The following ADAMTS4 variants were observed in gnomAD, a reference collection of about 807,000 sequenced individuals.
The protein encoded by ADAMTS4 is ADAM metallopeptidase with thrombospondin type 1 motif 4.
Under a neutral mutation model 66.7 loss-of-function variants are expected in ADAMTS4, and 38 were observed. The observed-to-expected ratio is 0.57, with a 90% CI of 0.44 to 0.75. The LOEUF is 0.75. ADAMTS4 is among the 30% of genes least tolerant of loss of function. ADAMTS4 has a pLI of 0.00. For missense variants in ADAMTS4, 1,014 were observed against 1,116.7 expected, an observed-to-expected ratio of 0.91 and a Z score of 1.31; for synonymous variants, 418 against 461.5, an observed-to-expected ratio of 0.91 and a Z score of 1.21.
chr1:161,196,749 G>T lies in ADAMTS4; in HGVS notation c.765C>A (p.His255Gln). Reference protein sequence around the residue: ...VMAAAAKAFKHPSIRNPVSLV... With the variant: ...VMAAAAKAFKQPSIRNPVSLV... ...AGCTGACAGGATTGCGGATGCTTGG[G>T]TGCTTGAAGGCCTTGGCTGCTGCTG... Residue 255 changes from histidine (H) to glutamine (Q), a missense_variant, in exon 2 of 9, where the codon CAC becomes CAA. Coordinates refer to ENST00000367996, the MANE Select transcript of ADAMTS4 (RefSeq NM_005099.6). 1 of 1,613,480 alleles carries T rather than the reference G, an allele frequency of 6.2e-7. No homozygotes were observed.
chr1:161,191,067 C>T lies in ADAMTS4; in HGVS notation c.*71G>A. 1 of 1,477,538 alleles carries T rather than the reference C, an allele frequency of 6.8e-7. No homozygotes were observed. Among genetic ancestry groups the T allele is most frequent in the Non-Finnish European group, 9.0e-7 (1 of 1,110,204 alleles). The allele number at this position is 1,477,538 out of a possible 1,614,324, so 91.5% of individuals were successfully genotyped here. On this transcript the variant is annotated 3_prime_UTR_variant, in exon 9 of 9. Transcript: ENST00000367996. ...ACTGAGTCTTAGCATGAGGCAGCAA[C>T]AGAAGCTCTCTCTTTCTCCCAGCTA...
chr1:161,198,666 A>G lies in ADAMTS4; in HGVS notation c.-39T>C, dbSNP rs2102021047. On this transcript the variant is annotated 5_prime_UTR_variant, in exon 1 of 9. Coordinates refer to ENST00000367996, the MANE Select transcript of ADAMTS4 (RefSeq NM_005099.6). The surrounding 1 kb of genome is among the most constrained non-coding windows in gnomAD (Gnocchi z 4.7). ...CAGCTGGGAGGGACTGAGGCCGTCT[A>G]GGGCACCAAGTCCTCCACACCCTAG... is the stretch of plus-strand genomic sequence containing the variant. The G allele has an allele frequency of 1.4e-6, 2 of 1,451,294 alleles. No individual in the cohort carries two copies. The highest frequency in any genetic ancestry group is 1.8e-6 in the Non-Finnish European group (2 of 1,096,344). 89.9% of individuals were successfully genotyped at this position (1,451,294 alleles called of 1,614,324 possible).
At position 161,191,767 on chromosome 1, in the gene ADAMTS4, T is replaced by A. The variant is rs1664689979; in HGVS notation, c.2088-203A>T. Among the ~76,000 whole-genome samples the A allele has an allele frequency of 2.0e-5, 3 of 152,124 alleles. No homozygotes were observed. In the South Asian group the frequency reaches 6.2e-4, roughly 32 times the overall value. ...TGGACCTTTACACCCACTGCCCCCT[T>A]ATTGAGTTGCCCTTCCAAGCCCCAC... On this transcript the variant is annotated intron_variant, in intron 8 of 8. Transcript: ENST00000367996.
In ADAMTS4 at chr1:161,190,773, C is replaced by T; in HGVS notation, c.*365G>A. ...CTATGAGGGGTCAGGGGTCAGGTTC[C>T]CCAGGACCCTAGTCCTTGTCCCCTT... On this transcript the variant is annotated 3_prime_UTR_variant, in exon 9 of 9. Transcript: ENST00000367996. 1 of 201,204 alleles carries T rather than the reference C, an allele frequency of 5.0e-6. No homozygotes were observed. The highest frequency in any genetic ancestry group is 1.1e-4 in the South Asian group (1 of 9,292). The allele number at this position is 201,204 out of a possible 1,614,324, so 12.5% of individuals were successfully genotyped here. A position where few individuals can be genotyped will look rare whatever the true frequency, so the allele number is the denominator to read the frequency against.
chr1:161,198,565 T>G lies in ADAMTS4; in HGVS notation c.63A>C (p.Gln21His), dbSNP rs1277341157. 6.4e-7 allele frequency: 1 copy of G among 1,558,166 alleles called. No individual in the cohort carries two copies. The change falls in exon 1 of 9, where the codon CAA becomes CAC. Residue 21 changes from glutamine to histidine, a missense_variant. Coordinates refer to ENST00000367996, the MANE Select transcript of ADAMTS4 (RefSeq NM_005099.6). The surrounding 1 kb of genome is among the most constrained non-coding windows in gnomAD (Gnocchi z 4.7). ...GLAGRWLWGA[Q>H]PCLLLPIVPL... Reference sequence around the variant, plus strand: ...GCACAATGGGGAGCAGGAGGCAGGGTTGGGCTCCCCACAGCCAGCGCCCTG... The same window carrying G: ...GCACAATGGGGAGCAGGAGGCAGGGGTGGGCTCCCCACAGCCAGCGCCCTG...
chr1:161,193,114 A>C lies in ADAMTS4; in HGVS notation c.1911+99T>G. On this transcript the variant is annotated intron_variant, in intron 7 of 8. Transcript: ENST00000367996. This position sits in a 1 kb window ranked among gnomAD's most constrained non-coding sequence, Gnocchi z 4.4. ...TGGACTGGGCTGGCGTGGCTGTAGG[A>C]ACAGGGTTACTTTGGGTGATCTTTG... is the stretch of plus-strand genomic sequence containing the variant. 2.2e-6 allele frequency: 3 copies of C among 1,367,908 alleles called. No homozygotes were observed. 84.7% of individuals were successfully genotyped at this position (1,367,908 alleles called of 1,614,324 possible).
In ADAMTS4 at chr1:161,193,875, G is replaced by T. The variant is rs1315618700; in HGVS notation, c.1549-49C>A. ...GGGGCATAAGTGAACTCTCTCCTGG[G>T]CTTAAGGCCAGTCCCCACACCCCCG... On this transcript the variant is annotated intron_variant, in intron 5 of 8. Transcript: ENST00000367996. The surrounding 1 kb of genome is among the most constrained non-coding windows in gnomAD (Gnocchi z 4.4). 1 of 1,567,106 alleles carries T rather than the reference G, an allele frequency of 6.4e-7. No homozygotes were observed. The highest frequency in any genetic ancestry group is 1.4e-5 in the African/African-American group (1 of 73,954).
chr1:161,195,433 T>G (rs1431541934), intron 4 of ADAMTS4, 32 bp downstream of exon 4: 1 of 1,570,944 alleles, frequency 6.4e-7, no homozygotes, highest in African/African-American at 1.4e-5. Context: ...AATTGAGTGC[T>G]ACCCAGGGAA....
chr1:161,195,014 CT>C (rs1664776122), intron 4 of ADAMTS4, among the ~76,000 whole-genome samples: 1 of 152,174 alleles, frequency 6.6e-6, no homozygotes, highest in Non-Finnish European at 1.5e-5. Context: ...GAGACCACAT[CT>C]GTATTTAAAA....
At position 161,193,112 on chromosome 1, in the gene ADAMTS4, G is replaced by A; in HGVS notation, c.1911+101C>T. 7.4e-7 allele frequency: 1 copy of A among 1,352,542 alleles called. No individual in the cohort carries two copies. The highest frequency in any genetic ancestry group is 9.9e-7 in the Non-Finnish European group (1 of 1,006,190). 83.8% of individuals were successfully genotyped at this position (1,352,542 alleles called of 1,614,324 possible). A position where few individuals can be genotyped will look rare whatever the true frequency, so the allele number is the denominator to read the frequency against. On this transcript the variant is annotated intron_variant, in intron 7 of 8. Coordinates refer to ENST00000367996, the MANE Select transcript of ADAMTS4 (RefSeq NM_005099.6). This position sits in a 1 kb window ranked among gnomAD's most constrained non-coding sequence, Gnocchi z 4.4. ...CCTGGACTGGGCTGGCGTGGCTGTA[G>A]GAACAGGGTTACTTTGGGTGATCTT...
chr1:161,192,316 G>T, intron 7 of ADAMTS4, 76 bp from the exon 8 acceptor site: 1 of 1,433,078 alleles, frequency 7.0e-7, no homozygotes, highest in Non-Finnish European at 9.5e-7. Flanking sequence ...CGAGACCCAT[G>T]TCCCATCAGG....
chr1:161,196,966 T>A (rs1034140389), intron 1 of ADAMTS4, 86 bp from the exon 2 acceptor site: 1 of 1,279,570 alleles, frequency 7.8e-7, no homozygotes, highest in African/African-American at 1.5e-5. Context: ...ACTTCCTGGG[T>A]CTGGAACTCA....
At position 161,191,284 on chromosome 1, in the gene ADAMTS4, TGCCAGCCACTAGGACTTGCA is replaced by T; in HGVS notation, c.2348_2367del (p.Leu783GlnfsTer112). The T allele has an allele frequency of 6.2e-7, 1 of 1,613,938 alleles. No individual in the cohort carries two copies. Among genetic ancestry groups the T allele is most frequent in the East Asian group, 2.2e-5 (1 of 44,886 alleles). ...TATCGGAGGCGTGTGTCCTGGGGGT[TGCCAGCCACTAGGACTTGCA>T]GTGTCAAAGGCTGGGCCAGTGGCCC... On this transcript the variant is annotated frameshift_variant, in exon 9 of 9. Transcript: ENST00000367996. LOFTEE classifies it high-confidence loss of function.
chr1:161,198,483 C>A lies in ADAMTS4; in HGVS notation c.145G>T (p.Ala49Ser). The change falls in exon 1 of 9, where the codon GCC becomes TCC. Residue 49 changes from alanine to serine, a missense_variant. Transcript: ENST00000367996. The surrounding 1 kb of genome is among the most constrained non-coding windows in gnomAD (Gnocchi z 4.7). ...LLLLASLLPSARLASPLPREE... is the reference protein window; with the variant it reads ...LLLLASLLPSSRLASPLPREE... ...CGGGGGAGGGGGCTGGCCAGCCGGG[C>A]TGAGGGCAGGAGAGAGGCCAGCAGT... is the stretch of plus-strand genomic sequence containing the variant. The A allele has an allele frequency of 6.4e-7, 1 of 1,568,982 alleles. No individual in the cohort carries two copies. The highest frequency in any genetic ancestry group is 8.6e-7 in the Non-Finnish European group (1 of 1,157,292).
chr1:161,187,733 A>T lies in ADAMTS4; in HGVS notation c.*3405T>A, dbSNP rs1664568183. ...AGCTAGGGGCTGCTATGGCAGAGTG[A>T]AGTGCCTTTGGTTCCCCCATTCTTC... On this transcript the variant is annotated 3_prime_UTR_variant, in exon 9 of 9. Coordinates refer to ENST00000367996, the MANE Select transcript of ADAMTS4 (RefSeq NM_005099.6). 1 of 152,124 alleles carries T rather than the reference A, an allele frequency of 6.6e-6. No homozygotes were observed. The highest frequency in any genetic ancestry group is 2.1e-4 in the South Asian group (1 of 4,828). The allele number at this position is 152,124 out of a possible 1,614,324, so 9.4% of individuals were successfully genotyped here.
In ADAMTS4 at chr1:161,194,499, C is replaced by T. The variant is rs943123736; in HGVS notation, c.1262-278G>A. Among the ~76,000 whole-genome samples, 1 of 151,844 alleles carries T rather than the reference C, an allele frequency of 6.6e-6. No homozygotes were observed. Among genetic ancestry groups the T allele is most frequent in the East Asian group, 1.9e-4 (1 of 5,176 alleles). ...CAAACTTCTGGGCTCAAGCAAACTT[C>T]CTGCCTTGGGCTCCTGAGTAGCTGG... is the stretch of plus-strand genomic sequence containing the variant. On this transcript the variant is annotated intron_variant, in intron 4 of 8. Coordinates refer to ENST00000367996, the MANE Select transcript of ADAMTS4 (RefSeq NM_005099.6). The surrounding 1 kb of genome is among the most constrained non-coding windows in gnomAD (Gnocchi z 4.1).
rs752025981 is a variant in ADAMTS4, at chr1:161,191,268, C to T, written c.2384G>A (p.Arg795His). 4.3e-6 allele frequency: 7 copies of T among 1,613,816 alleles called. No individual in the cohort carries two copies. In the East Asian group the frequency reaches 6.7e-5, roughly 15 times the overall value. ...VLVAGNPQDT[R>H]LRYSFFVPRP... The stretch of plus-strand genomic sequence containing the variant: ...GGGCACGAAGAAGCTGTATCGGAGG[C>T]GTGTGTCCTGGGGGTTGCCAGCCAC... The change falls in exon 9 of 9, where the codon CGC (arginine) becomes CAC (histidine). Residue 795 changes from arginine (R) to histidine (H), a missense_variant. Transcript: ENST00000367996.
rs12077004 is a variant in ADAMTS4, at chr1:161,188,558, G to A, written c.*2580C>T. ...CCAAAATTCTTTCTCAAGCAAAGGCGCCTTGCCCAGAGGGGAAAATGCAGA... is the reference window on the plus strand; with the variant it reads ...CCAAAATTCTTTCTCAAGCAAAGGCACCTTGCCCAGAGGGGAAAATGCAGA... On this transcript the variant is annotated 3_prime_UTR_variant, in exon 9 of 9. Coordinates refer to ENST00000367996, the MANE Select transcript of ADAMTS4 (RefSeq NM_005099.6). 0.075 allele frequency: 11,284 copies of A among 150,986 alleles called. 528 individuals carry two copies. The highest frequency in any genetic ancestry group is 0.11 in the Non-Finnish European group (7,493 of 67,776). The allele number at this position is 150,986 out of a possible 1,614,324, so 9.4% of individuals were successfully genotyped here. A position where few individuals can be genotyped will look rare whatever the true frequency, so the allele number is the denominator to read the frequency against.
rs2102008961 is a variant in ADAMTS4 at position 161,189,098 on chromosome 1, G to A, written c.*2040C>T. On this transcript the variant is annotated 3_prime_UTR_variant, in exon 9 of 9. Transcript: ENST00000367996. ...TCACATCTTCTAGGCATTCTGCTGGGTTTACACTGGCAGATTCTGGAGACT... is the reference window on the plus strand; with the variant it reads ...TCACATCTTCTAGGCATTCTGCTGGATTTACACTGGCAGATTCTGGAGACT... 1 of 151,646 alleles carries A rather than the reference G, an allele frequency of 6.6e-6. No individual in the cohort carries two copies. Among genetic ancestry groups the A allele is most frequent in the East Asian group, 1.9e-4 (1 of 5,142 alleles). The allele number at this position is 151,646 out of a possible 1,614,324, so 9.4% of individuals were successfully genotyped here.
Sources: allele counts gnomAD v4.1 joint callset (sites outside exome capture counted in the v4.1 genomes callset), GRCh38; gene constraint gnomAD v4.1.1; non-coding constraint Gnocchi (gnomAD v3.1); transcripts MANE v1.5; gene names NCBI Gene and HGNC (gene_info 2026-07-23, HGNC 2026-07-21).